TSHR: variants seen among roughly 807,000 people sequenced by gnomAD.
TSHR encodes thyrotropin receptor.
A neutral mutation model predicts 64.1 loss-of-function variants in TSHR; 51 were observed. The ratio of observed to expected loss-of-function variants is 0.80; its 90% CI spans 0.64 to 1.01. The LOEUF is 1.01. Ranked by LOEUF, TSHR falls within the 50% of genes least tolerant of loss-of-function variation. TSHR has a pLI of 0.00. For missense variants in TSHR, 877 were observed against 942.8 expected, an observed-to-expected ratio of 0.93 and a Z score of 0.91; for synonymous variants, 361 against 361.9, an observed-to-expected ratio of 1.00 and a Z score of 0.03.
intron 2 of TSHR, among the ~76,000 whole-genome samples, chr14:81,064,027 G>C (rs968253963): frequency 1.3e-5 from 2 of 152,092 alleles, no homozygotes; most frequent in Non-Finnish European, 2.9e-5. Context: ...GTTAGTACAG[G>C]GTCTTGTAAA....
chr14:81,035,775 T>C (rs1262112697), intron 1 of TSHR, among the ~76,000 whole-genome samples: 1 of 152,160 alleles, frequency 6.6e-6, no homozygotes, highest in Non-Finnish European at 1.5e-5. Context: ...ACCCCTTACA[T>C]TGCATAATTT....
chr14:81,011,923 T>A (rs1889930301), intron 1 of TSHR, among the ~76,000 whole-genome samples: 1 of 152,084 alleles, frequency 6.6e-6, no homozygotes, highest in Non-Finnish European at 1.5e-5. Context: ...GGAAAATCTT[T>A]TTTATTTATT....
chr14:81,028,471 A>T (rs1025085755), intron 1 of TSHR, among the ~76,000 whole-genome samples: 9 of 152,036 alleles, frequency 5.9e-5, no homozygotes, highest in Non-Finnish European at 1.3e-4. Context: ...TCAAGAAAGG[A>T]TCTCTGATAA....
In TSHR at chr14:81,038,850, T is replaced by C. The variant is rs113083387; in HGVS notation, c.171-23298T>C. On this transcript the variant is annotated intron_variant, in intron 1 of 9. Transcript: ENST00000298171. ...ACATATAACCTACCAAAATTGATAA[T>C]AGAAAATATGAACAGATCAATAATG... Among the ~76,000 whole-genome samples, 852 of 151,340 alleles carry C rather than the reference T, an allele frequency of 5.6e-3. 10 individuals carry two copies. The highest frequency in any genetic ancestry group is 0.031 in the Middle Eastern group (9 of 294).
intron 1 of TSHR, among the ~76,000 whole-genome samples, chr14:81,028,342 T>C (rs1396180098): frequency 1.3e-5 from 2 of 151,864 alleles, no homozygotes; most frequent in African/African-American, 4.8e-5. Context: ...TAAACAATTA[T>C]GAAACAAAGA....
intron 1 of TSHR, among the ~76,000 whole-genome samples, chr14:81,045,678 T>C (rs1488114465): frequency 6.6e-6 from 1 of 152,182 alleles, no homozygotes; most frequent in African/African-American, 2.4e-5. Context: ...CAAACCAATT[T>C]CACATTTACT....
chr14:81,014,789 A>G lies in TSHR; in HGVS notation c.171-47359A>G, dbSNP rs148072593. Among the ~76,000 whole-genome samples, 364 of 152,340 alleles carry G rather than the reference A, an allele frequency of 2.4e-3. 8 individuals are homozygous for G. Among genetic ancestry groups the G allele is most frequent in the East Asian group, 4.4e-3 (23 of 5,188 alleles). ...GTGTTAGCAGAACACAATCTCAGAA[A>G]GTTATTTCCTAAATGCCTTCCAAAG... On this transcript the variant is annotated intron_variant, in intron 1 of 9. Transcript: ENST00000298171.
At chr14:81,140,889 A>C (rs2300538) in intron 9 of TSHR, among the ~76,000 whole-genome samples, 2 of 152,084 alleles carry the variant, frequency 1.3e-5, no homozygotes, top group African/African-American at 4.8e-5. Flanking sequence ...GGAGGCTGAG[A>C]TGGCCAGATC....
intron 1 of TSHR, among the ~76,000 whole-genome samples, chr14:81,045,894 A>T (rs1454525149): frequency 6.6e-6 from 1 of 152,224 alleles, no homozygotes; most frequent in Non-Finnish European, 1.5e-5. Flanking sequence ...TAGCTGAATC[A>T]TTCTCATGGC....
intron 7 of TSHR, among the ~76,000 whole-genome samples, chr14:81,106,312 C>T (rs1239344484): frequency 6.6e-5 from 10 of 152,214 alleles, no homozygotes; most frequent in Non-Finnish European, 1.3e-4. Flanking sequence ...TAAGCCAAGT[C>T]TTCTATTTTT....
rs76794218 is a variant in TSHR, at chr14:81,130,998, C to CAAAA, written c.693-8663_693-8660dup. On this transcript the variant is annotated intron_variant, in intron 8 of 9. Coordinates refer to ENST00000298171, the MANE Select transcript of TSHR (RefSeq NM_000369.5). Reference sequence around the variant, plus strand: ...GGGCGACAGAGCGAGACTCCGTCTCCAAAAAAAAAAAAAAAAAAAAACACT... The same window carrying CAAAA: ...GGGCGACAGAGCGAGACTCCGTCTCCAAAAAAAAAAAAAAAAAAAAAAAAACACT... Among the ~76,000 whole-genome samples the CAAAA allele has an allele frequency of 1.3e-3, 88 of 67,158 alleles. 1 individual carries two copies. Among genetic ancestry groups the CAAAA allele is most frequent in the Non-Finnish European group, 2.3e-3 (76 of 33,178 alleles). The allele number at this position is 67,158 out of a possible 152,430, so 44.1% of individuals were successfully genotyped here. A position where few individuals can be genotyped will look rare whatever the true frequency, so the allele number is the denominator to read the frequency against.
At chr14:81,059,401 T>C (rs1044210250) in intron 1 of TSHR, among the ~76,000 whole-genome samples, 2 of 152,138 alleles carry the variant, frequency 1.3e-5, no homozygotes, top group African/African-American at 4.8e-5. Context: ...GTCAACAAAA[T>C]TTACACAAAC....
In TSHR at chr14:81,117,359, C is replaced by T. The variant is rs1374498249; in HGVS notation, c.692+8907C>T. Among the ~76,000 whole-genome samples, 92 of 117,182 alleles carry T rather than the reference C, an allele frequency of 7.9e-4. 2 individuals are homozygous for T. Among genetic ancestry groups the T allele is most frequent in the Non-Finnish European group, 1.3e-3 (80 of 59,762 alleles). 76.9% of individuals were successfully genotyped at this position (117,182 alleles called of 152,430 possible). Reference sequence around the variant, plus strand: ...AAAATGATAAAGGGGATATCACCACCGATCCCACAGAAATACAAACTACCA... The same window carrying T: ...AAAATGATAAAGGGGATATCACCACTGATCCCACAGAAATACAAACTACCA... On this transcript the variant is annotated intron_variant, in intron 8 of 9. Coordinates refer to ENST00000298171, the MANE Select transcript of TSHR (RefSeq NM_000369.5).
intron 7 of TSHR, among the ~76,000 whole-genome samples, chr14:81,098,523 T>G (rs1195675575): frequency 6.6e-6 from 1 of 152,188 alleles, no homozygotes; most frequent in Admixed American, 6.5e-5. Flanking sequence ...ACTCTTAGGG[T>G]AATGATCTTC....
chr14:81,134,229 G>A lies in TSHR; in HGVS notation c.693-5450G>A, dbSNP rs138630795. On this transcript the variant is annotated intron_variant, in intron 8 of 9. Transcript: ENST00000298171. ...CGGCTCACCACGACCTCCACTTCCC[G>A]GGTTCAAGCGATTTTCTCCTGCCTC... Among the ~76,000 whole-genome samples the A allele has an allele frequency of 7.2e-4, 110 of 152,124 alleles. No homozygotes were observed. The East Asian group carries it at 0.017, about 24-fold the overall frequency.
At chr14:81,123,102 G>T (rs184701845) in intron 8 of TSHR, among the ~76,000 whole-genome samples, 72 of 151,470 alleles carry the variant, frequency 4.8e-4, no homozygotes, top group Admixed American at 3.9e-3. Flanking sequence ...ACTGTAGCCT[G>T]GGAGACAGAG....
chr14:81,004,281 G>A (rs1311928045), intron 1 of TSHR, among the ~76,000 whole-genome samples: 1 of 152,090 alleles, frequency 6.6e-6, no homozygotes, highest in Admixed American at 6.6e-5. Context: ...ATTGTAATCT[G>A]CCAAAGAAAA....
At chr14:81,033,863 G>A (rs1884486976) in intron 1 of TSHR, among the ~76,000 whole-genome samples, 1 of 152,202 alleles carries the variant, frequency 6.6e-6, no homozygotes, top group African/African-American at 2.4e-5. Flanking sequence ...AGCTAGGGTA[G>A]ACAAAGGAAG....
chr14:80,970,026 T>C (rs1391293053), intron 1 of TSHR, among the ~76,000 whole-genome samples: 2 of 152,206 alleles, frequency 1.3e-5, no homozygotes, highest in Non-Finnish European at 2.9e-5. Context: ...ACTGTGAAGA[T>C]TTCCCTTCAC....
Sources: allele counts gnomAD v4.1 joint callset (sites outside exome capture counted in the v4.1 genomes callset), GRCh38; gene constraint gnomAD v4.1.1; transcripts MANE v1.5; gene names NCBI Gene and HGNC (gene_info 2026-07-23, HGNC 2026-07-21).